Variants in ERC2 observed in about 807,000 individuals in gnomAD.
ERC2 encodes ELKS/RAB6-interacting/CAST family member 2.
A neutral mutation model predicts 114.8 loss-of-function variants in ERC2; 42 were observed. The ratio of observed to expected loss-of-function variants is 0.37; its 90% CI spans 0.29 to 0.47. ERC2 has a LOEUF of 0.47. ERC2 is among the 20% of genes least tolerant of loss of function. The pLI, the probability that ERC2 is intolerant of heterozygous loss-of-function variation, is 0.99. For missense variants in ERC2, 939 were observed against 1,150.7 expected (o/e 0.82, Z 2.66); for synonymous variants, 454 against 425.5 (o/e 1.07, Z -0.82).
chr3:56,429,185 T>C (rs1009541366), intron 2 of ERC2, among the ~76,000 whole-genome samples: 4 of 152,274 alleles, frequency 2.6e-5, no homozygotes, highest in Non-Finnish European at 4.4e-5. Context: ...AATAAAGATA[T>C]AAAGAAAAGA....
At chr3:56,047,042 G>C (rs138102232) in intron 7 of ERC2, among the ~76,000 whole-genome samples, 1 of 152,064 alleles carries the variant, frequency 6.6e-6, no homozygotes, top group Admixed American at 6.6e-5. Flanking sequence ...ACATAAACCC[G>C]GGCTTCTTTT....
At chr3:55,926,700 C>T (rs75275128) in intron 13 of ERC2, among the ~76,000 whole-genome samples, 1,885 of 152,210 alleles carry the variant, frequency 0.012, 13 homozygotes, top group Non-Finnish European at 0.019. Flanking sequence ...GAGGTGAACT[C>T]GAGCATCATG....
chr3:56,268,448 A>G (rs964560277), intron 3 of ERC2, among the ~76,000 whole-genome samples: 2 of 152,344 alleles, frequency 1.3e-5, no homozygotes, highest in Non-Finnish European at 2.9e-5. Flanking sequence ...TACAATAAAA[A>G]TAAATAAAAA....
At chr3:55,692,986 G>C (rs2062740182) in intron 16 of ERC2, among the ~76,000 whole-genome samples, 1 of 152,180 alleles carries the variant, frequency 6.6e-6, no homozygotes, top group Non-Finnish European at 1.5e-5. Context: ...AATTCTATGG[G>C]AATTTTCAGC....
intron 1 of ERC2, among the ~76,000 whole-genome samples, chr3:56,441,848 T>C (rs1323253900): frequency 2.0e-5 from 3 of 152,020 alleles, no homozygotes; most frequent in Non-Finnish European, 4.4e-5. Context: ...TCCCCAGCCT[T>C]CCCTGGGATA....
chr3:55,820,274 G>A (rs2060072929), intron 14 of ERC2, among the ~76,000 whole-genome samples: 2 of 152,286 alleles, frequency 1.3e-5, no homozygotes, highest in South Asian at 4.2e-4. Context: ...TGAGGCATAA[G>A]GGAGTAAATA....
intron 12 of ERC2, among the ~76,000 whole-genome samples, chr3:55,965,935 A>C (rs1361341202): frequency 6.6e-6 from 1 of 152,226 alleles, no homozygotes; most frequent in Admixed American, 6.5e-5. Context: ...CCCCCTGATT[A>C]AATGAGAAGA....
At chr3:55,556,969 C>T (rs1352708515) in intron 17 of ERC2, among the ~76,000 whole-genome samples, 3 of 152,210 alleles carry the variant, frequency 2.0e-5, no homozygotes, top group Non-Finnish European at 1.5e-5. Context: ...GCACTGCACT[C>T]TGTTCACTAT....
intron 15 of ERC2, among the ~76,000 whole-genome samples, chr3:55,728,240 T>G (rs538976516): frequency 2.6e-5 from 4 of 152,320 alleles, no homozygotes; most frequent in South Asian, 4.1e-4. Context: ...TGTTACCATA[T>G]TCTCAGTCCT....
intron 14 of ERC2, among the ~76,000 whole-genome samples, chr3:55,753,316 C>T (rs908681815): frequency 9.9e-5 from 15 of 152,126 alleles, no homozygotes; most frequent in African/African-American, 3.6e-4. Flanking sequence ...ATATATGTGC[C>T]TTTGACAAGT....
chr3:56,081,417 A>T (rs1240196265), intron 6 of ERC2, among the ~76,000 whole-genome samples: 1 of 152,190 alleles, frequency 6.6e-6, no homozygotes, highest in Non-Finnish European at 1.5e-5. Flanking sequence ...ATCCAGAGGA[A>T]CAAGATTGAC....
intron 14 of ERC2, among the ~76,000 whole-genome samples, chr3:55,857,755 T>C (rs2061855417): frequency 6.6e-6 from 1 of 152,184 alleles, no homozygotes; most frequent in Admixed American, 6.5e-5. Flanking sequence ...GAAAAAGAGA[T>C]GTCTGGCAAG....
chr3:55,646,289 G>A (rs997946905), intron 17 of ERC2, among the ~76,000 whole-genome samples: 4 of 152,166 alleles, frequency 2.6e-5, no homozygotes, highest in African/African-American at 9.7e-5. Flanking sequence ...TCATGTCTGA[G>A]CTGTCACCTG....
At chr3:56,122,169 C>T (rs2149860422) in intron 6 of ERC2, among the ~76,000 whole-genome samples, 1 of 152,256 alleles carries the variant, frequency 6.6e-6, no homozygotes, top group Admixed American at 6.5e-5. Context: ...TAATGAGTAG[C>T]CATTGACAGG....
rs576928907 is a variant in ERC2, at chr3:55,618,897, A to G, written c.*39+64897T>C. Reference sequence around the variant, plus strand: ...AACAACATCATGGGAAGACCCAGCTATCCTTTCTCGAGGAGGCAGGAGTAG... The same window carrying G: ...AACAACATCATGGGAAGACCCAGCTGTCCTTTCTCGAGGAGGCAGGAGTAG... On this transcript the variant is annotated intron_variant, in intron 17 of 17. Coordinates refer to ENST00000288221, the MANE Select transcript of ERC2 (RefSeq NM_015576.3). Among the ~76,000 whole-genome samples, 6 of 152,322 alleles carry G rather than the reference A, an allele frequency of 3.9e-5. No individual in the cohort carries two copies. In the South Asian group the frequency reaches 1.2e-3, roughly 32 times the overall value.
chr3:56,219,355 A>C (rs990267398), intron 3 of ERC2, among the ~76,000 whole-genome samples: 1 of 152,010 alleles, frequency 6.6e-6, no homozygotes, highest in Non-Finnish European at 1.5e-5. Context: ...AAGACTAAGA[A>C]ACTCTGGTCT....
chr3:55,805,643 A>T (rs1447358223), intron 14 of ERC2, among the ~76,000 whole-genome samples: 1 of 147,826 alleles, frequency 6.8e-6, no homozygotes, highest in Non-Finnish European at 1.5e-5. Context: ...GTGCTACCAG[A>T]TGTGCTCTGA....
At chr3:55,955,152 C>T (rs2067853098) in intron 12 of ERC2, 1 of 516,586 alleles carries the variant, frequency 1.9e-6, no homozygotes, top group African/African-American at 1.9e-5. Flanking sequence ...CTCCTGGAAA[C>T]TCCACACCAG....
rs780028540 is a variant in ERC2 at position 55,888,569 on chromosome 3, C to G, written c.2404-20G>C. ...CTCTATCTGAAAGGCACATGGAGCT[C>G]TGTGTGTTATTTCTCCTTCATTCAA... On this transcript the variant is annotated intron_variant, in intron 13 of 17. Coordinates refer to ENST00000288221, the MANE Select transcript of ERC2 (RefSeq NM_015576.3). The G allele has an allele frequency of 1.2e-6, 2 of 1,612,212 alleles. No homozygotes were observed. Among genetic ancestry groups the G allele is most frequent in the African/African-American group, 1.3e-5 (1 of 74,878 alleles).
Sources: allele counts gnomAD v4.1 joint callset (sites outside exome capture counted in the v4.1 genomes callset), GRCh38; gene constraint gnomAD v4.1.1; transcripts MANE v1.5; gene names NCBI Gene and HGNC (gene_info 2026-07-23, HGNC 2026-07-21).